STXBP5L: variants seen among roughly 807,000 people sequenced by gnomAD.
STXBP5L encodes syntaxin binding protein 5L.
Under a neutral mutation model 144.5 loss-of-function variants are expected in STXBP5L, and 65 were observed. The ratio of observed to expected loss-of-function variants is 0.45; its 90% CI spans 0.37 to 0.55. The LOEUF (loss-of-function observed/expected upper bound fraction) is 0.55. STXBP5L is among the 20% of genes least tolerant of loss of function. The pLI is 0.00. For missense variants in STXBP5L, 1,298 were observed against 1,405.5 expected, an observed-to-expected ratio of 0.92 and a Z score of 1.22; for synonymous variants, 505 against 469.6, an observed-to-expected ratio of 1.08 and a Z score of -0.97.
chr3:121,238,911 A>G (rs1370043057), intron 12 of STXBP5L, 60 bp from the exon 13 acceptor site: 3 of 1,426,466 alleles, frequency 2.1e-6, no homozygotes, highest in Non-Finnish European at 2.8e-6. Flanking sequence ...TACTTTATCA[A>G]AATTATTTTC....
chr3:121,379,971 G>C (rs1418157905), intron 21 of STXBP5L, among the ~76,000 whole-genome samples: 1 of 152,052 alleles, frequency 6.6e-6, no homozygotes, highest in African/African-American at 2.4e-5. Context: ...AGCAGCTGGA[G>C]GTACAGGTGC....
rs9861993 is a variant in STXBP5L, at chr3:120,993,924, C to T, written c.287+38887C>T. On this transcript the variant is annotated intron_variant, in intron 3 of 26. Transcript: ENST00000471454. ...TTAGATAATAATAATTCTTCCAATT[C>T]ATGAGCATGGGATATGTTTCCATCT... is the stretch of plus-strand genomic sequence containing the variant. Among the ~76,000 whole-genome samples, 1,350 of 152,058 alleles carry T rather than the reference C, an allele frequency of 8.9e-3. 7 individuals are homozygous for T. The highest frequency in any genetic ancestry group is 0.014 in the Non-Finnish European group (973 of 67,956).
At chr3:121,273,237 GA>G (rs2050781005) in intron 18 of STXBP5L, among the ~76,000 whole-genome samples, 1 of 151,572 alleles carries the variant, frequency 6.6e-6, no homozygotes, top group South Asian at 2.1e-4. Flanking sequence ...GTTTGTCTGT[GA>G]AAGTATCTCT....
chr3:121,011,819 G>A (rs1430329220), intron 3 of STXBP5L, among the ~76,000 whole-genome samples: 2 of 151,372 alleles, frequency 1.3e-5, no homozygotes, highest in East Asian at 3.9e-4. Context: ...ACATAACTTG[G>A]CTACCACATA....
At chr3:120,978,159 C>G (rs1373161776) in intron 3 of STXBP5L, among the ~76,000 whole-genome samples, 1 of 152,208 alleles carries the variant, frequency 6.6e-6, no homozygotes, top group Non-Finnish European at 1.5e-5. Flanking sequence ...TGGTTCCATT[C>G]TCCCTGTCAC....
rs987760146 is a variant in STXBP5L, at chr3:121,257,988, A to C, written c.1832+655A>C. Among the ~76,000 whole-genome samples, 6 of 152,180 alleles carry C rather than the reference A, an allele frequency of 3.9e-5. No individual in the cohort carries two copies. The South Asian group carries it at 1.2e-3, about 32-fold the overall frequency. On this transcript the variant is annotated intron_variant, in intron 17 of 26. Transcript: ENST00000471454. ...ATGTAATTTCTTTAGCTTTCTTGGA[A>C]TCAAAAAGAAAACCAAGTTTACTAT...
intron 10 of STXBP5L, among the ~76,000 whole-genome samples, chr3:121,206,401 C>T (rs963457549): frequency 2.6e-5 from 4 of 152,100 alleles, no homozygotes; most frequent in Non-Finnish European, 5.9e-5. Context: ...TGGAAGATTA[C>T]AGTTTGTTCG....
chr3:120,978,872 C>T (rs1018957865), intron 3 of STXBP5L, among the ~76,000 whole-genome samples: 3 of 152,138 alleles, frequency 2.0e-5, no homozygotes, highest in Non-Finnish European at 4.4e-5. Flanking sequence ...TTTCGTGAAC[C>T]GCGAATGCTG....
intron 3 of STXBP5L, among the ~76,000 whole-genome samples, chr3:120,995,265 A>T (rs1180927464): frequency 1.3e-5 from 2 of 152,078 alleles, no homozygotes; most frequent in Non-Finnish European, 2.9e-5. Context: ...CTTTCACTTC[A>T]GCCTCCCCAG....
chr3:121,240,672 A>G (rs2049636197), intron 14 of STXBP5L, among the ~76,000 whole-genome samples, 165 bp downstream of exon 14: 1 of 152,234 alleles, frequency 6.6e-6, no homozygotes, highest in African/African-American at 2.4e-5. Context: ...CAGAGGATAT[A>G]ATCAAACCAT....
At chr3:121,283,381 C>T (rs545544580) in intron 19 of STXBP5L, among the ~76,000 whole-genome samples, 21 of 152,002 alleles carry the variant, frequency 1.4e-4, no homozygotes, top group African/African-American at 5.1e-4. Flanking sequence ...CATAAATATT[C>T]TCTAGTTTTC....
In STXBP5L at chr3:121,381,486, A is replaced by T. The variant is rs535446894; in HGVS notation, c.2541A>T (p.Leu847Phe). The T allele has an allele frequency of 6.3e-7, 1 of 1,595,480 alleles. No homozygotes were observed. Among genetic ancestry groups the T allele is most frequent in the Admixed American group, 1.9e-5 (1 of 53,640 alleles). ...TAATCATCTCCTTAAACCTACCATT[A>T]GCAGATGAACAAAGGTTTACAGAGC... ...MVLIISLNLP[L>F]ADEQRFTEPV... The change falls in exon 22 of 27, where the codon TTA (leucine) becomes TTT (phenylalanine). Residue 847 changes from leucine to phenylalanine, a missense_variant. Coordinates refer to ENST00000471454, the MANE Select transcript of STXBP5L (RefSeq NM_001308330.2).
At chr3:121,145,984 G>A (rs1047676057) in intron 7 of STXBP5L, among the ~76,000 whole-genome samples, 1 of 151,958 alleles carries the variant, frequency 6.6e-6, no homozygotes, top group Non-Finnish European at 1.5e-5. Flanking sequence ...ACTGGAACTG[G>A]GACATCTATC....
intron 9 of STXBP5L, among the ~76,000 whole-genome samples, chr3:121,185,788 T>A (rs1559838195): frequency 6.6e-6 from 1 of 151,548 alleles, no homozygotes; most frequent in Non-Finnish European, 1.5e-5. Flanking sequence ...TGGGCCCTTT[T>A]TGGTTCCATA....
chr3:121,222,761 C>T (rs2049010781), intron 10 of STXBP5L, among the ~76,000 whole-genome samples: 2 of 152,120 alleles, frequency 1.3e-5, no homozygotes, highest in African/African-American at 4.8e-5. Context: ...TGCCTTTCCC[C>T]AAACCTACCC....
chr3:121,071,188 A>G (rs2041797296), intron 5 of STXBP5L, among the ~76,000 whole-genome samples: 1 of 152,238 alleles, frequency 6.6e-6, no homozygotes, highest in African/African-American at 2.4e-5. Flanking sequence ...TATACTATGC[A>G]CAGGCACCCT....
chr3:121,285,492 A>T (rs2051200690), intron 19 of STXBP5L, among the ~76,000 whole-genome samples: 1 of 151,956 alleles, frequency 6.6e-6, no homozygotes, highest in Admixed American at 6.6e-5. Context: ...TATATCAATG[A>T]CTCTTTTACT....
chr3:121,339,538 A>G (rs971035272), intron 20 of STXBP5L, among the ~76,000 whole-genome samples: 3 of 152,160 alleles, frequency 2.0e-5, no homozygotes, highest in African/African-American at 7.2e-5. Context: ...CTTCTATTCA[A>G]TATAGTACTG....
At chr3:121,011,970 T>C (rs1240306281) in intron 3 of STXBP5L, among the ~76,000 whole-genome samples, 1 of 151,872 alleles carries the variant, frequency 6.6e-6, no homozygotes, top group Admixed American at 6.6e-5. Context: ...TTCTATTTTC[T>C]ATTTCCCCCA....
Sources: gnomAD v4.1 joint callset for allele counts (sites outside exome capture counted in the v4.1 genomes callset) on GRCh38, gnomAD v4.1.1 for gene constraint, MANE v1.5 for transcripts, NCBI Gene and HGNC (gene_info 2026-07-23, HGNC 2026-07-21) for gene names.